The following SORCS3 variants were observed in gnomAD, a reference collection of about 807,000 sequenced individuals.
SORCS3 encodes VPS10 domain-containing receptor SorCS3.
Under a neutral mutation model 146.3 loss-of-function variants are expected in SORCS3, and 57 were observed. The observed-to-expected ratio is 0.39, with a 90% CI of 0.31 to 0.49. The LOEUF is 0.49. Among genes scored for constraint, SORCS3 ranks in the 20% least tolerant of loss-of-function variants. SORCS3 has a pLI of 0.92. For missense variants in SORCS3, 1,341 were observed against 1,575.5 expected (o/e 0.85, Z 2.52); for synonymous variants, 653 against 618.5 (o/e 1.06, Z -0.83).
chr10:104,663,740 A>G (rs1215688047), intron 1 of SORCS3, among the ~76,000 whole-genome samples: 2 of 152,192 alleles, frequency 1.3e-5, no homozygotes, highest in East Asian at 3.9e-4. Context: ...TAGGTTGCTG[A>G]GCAACTAGGA....
At chr10:105,199,134 G>A (rs1402143740) in intron 14 of SORCS3, among the ~76,000 whole-genome samples, 2 of 152,040 alleles carry the variant, frequency 1.3e-5, no homozygotes, top group African/African-American at 2.4e-5. Context: ...TTTTAAGTTC[G>A]CAGCATGATC....
chr10:104,880,462 G>T (rs1194385526), intron 2 of SORCS3, among the ~76,000 whole-genome samples: 1 of 152,140 alleles, frequency 6.6e-6, no homozygotes, highest in East Asian at 1.9e-4. Flanking sequence ...AGGCATGATT[G>T]AGTTTATCAC....
chr10:104,805,072 A>G (rs1204319224), intron 1 of SORCS3, among the ~76,000 whole-genome samples: 3 of 152,226 alleles, frequency 2.0e-5, no homozygotes, highest in Admixed American at 2.0e-4. Context: ...TCACTCACAC[A>G]TAATGAACAC....
rs1315205239 is a variant in SORCS3, at chr10:104,696,634, T to A, written c.627+54680T>A. ...ATAATATATATTATATACGTATATA[T>A]TATATATAATATATATTATATACGT... On this transcript the variant is annotated intron_variant, in intron 1 of 26. Transcript: ENST00000369701. 1.5e-4 allele frequency among the ~76,000 whole-genome samples: 12 copies of A among 79,778 alleles called. 1 individual carries two copies. The highest frequency in any genetic ancestry group is 3.2e-4 in the East Asian group (1 of 3,162). 52.3% of individuals were successfully genotyped at this position (79,778 alleles called of 152,430 possible).
chr10:104,870,395 A>G (rs1053118420), intron 2 of SORCS3, among the ~76,000 whole-genome samples: 6 of 152,040 alleles, frequency 3.9e-5, no homozygotes, highest in African/African-American at 9.7e-5. Flanking sequence ...GCCAGAGTCT[A>G]TGCTAGCCCC....
intron 3 of SORCS3, among the ~76,000 whole-genome samples, chr10:104,954,085 A>T (rs2019462083): frequency 6.6e-6 from 1 of 152,182 alleles, no homozygotes; most frequent in South Asian, 2.1e-4. Flanking sequence ...GCAGATATGT[A>T]TATATATATT....
chr10:104,718,791 C>T (rs1215729563), intron 1 of SORCS3, among the ~76,000 whole-genome samples: 1 of 152,078 alleles, frequency 6.6e-6, no homozygotes, highest in African/African-American at 2.4e-5. Context: ...GGAGGAAGTC[C>T]AGGAAAGTGG....
At chr10:104,813,699 C>T (rs561356867) in intron 1 of SORCS3, among the ~76,000 whole-genome samples, 1 of 152,178 alleles carries the variant, frequency 6.6e-6, no homozygotes, top group African/African-American at 2.4e-5. Flanking sequence ...GAGAAGATCC[C>T]ACTGAAGATG....
At chr10:104,654,319 C>G (rs1283728111) in intron 1 of SORCS3, among the ~76,000 whole-genome samples, 2 of 152,132 alleles carry the variant, frequency 1.3e-5, no homozygotes, top group East Asian at 3.9e-4. Flanking sequence ...AGTATATAAC[C>G]AGCAGCGGGA....
At chr10:105,039,033 A>G (rs539454688) in intron 4 of SORCS3, among the ~76,000 whole-genome samples, 1 of 152,344 alleles carries the variant, frequency 6.6e-6, no homozygotes, top group South Asian at 2.1e-4. Flanking sequence ...TTATAATTGC[A>G]TGCATTTCTG....
chr10:105,006,753 C>G (rs929622319), intron 4 of SORCS3, among the ~76,000 whole-genome samples: 41 of 152,196 alleles, frequency 2.7e-4, no homozygotes, highest in Admixed American at 2.0e-4. Flanking sequence ...TTCAAGTTCT[C>G]ACTCCAGGTT....
chr10:104,836,121 A>T (rs2018064492), intron 1 of SORCS3, among the ~76,000 whole-genome samples: 1 of 152,148 alleles, frequency 6.6e-6, no homozygotes, highest in African/African-American at 2.4e-5. Flanking sequence ...AAGTGAATTT[A>T]GACCAGGAGA....
chr10:105,185,644 C>T (rs973767615), intron 14 of SORCS3, among the ~76,000 whole-genome samples: 2 of 152,140 alleles, frequency 1.3e-5, no homozygotes, highest in Admixed American at 6.5e-5. Context: ...AATAATATTA[C>T]AAAGCTTGTG....
intron 2 of SORCS3, among the ~76,000 whole-genome samples, chr10:104,857,345 T>C (rs140832161): frequency 3.8e-4 from 58 of 152,226 alleles, no homozygotes; most frequent in African/African-American, 1.3e-3. Flanking sequence ...ACAGATATTA[T>C]AGAATAATTG....
intron 4 of SORCS3, among the ~76,000 whole-genome samples, chr10:105,003,443 T>C (rs1308602217): frequency 1.3e-5 from 2 of 152,092 alleles, no homozygotes; most frequent in East Asian, 3.9e-4. Context: ...TCATCTGTAA[T>C]ATGGGGATTG....
At chr10:104,765,131 C>T (rs997423664) in intron 1 of SORCS3, among the ~76,000 whole-genome samples, 6 of 152,300 alleles carry the variant, frequency 3.9e-5, no homozygotes, top group African/African-American at 9.6e-5. Flanking sequence ...CCTATATTTA[C>T]GTTTCTTTCC....
chr10:105,214,639 G>A, intron 18 of SORCS3, 26 bp downstream of exon 18: 5 of 1,534,750 alleles, frequency 3.3e-6, no homozygotes, highest in Non-Finnish European at 4.4e-6. Context: ...GGTCTCTGAG[G>A]TCAGAACTCC....
chr10:104,944,811 T>A (rs57695054), intron 3 of SORCS3, among the ~76,000 whole-genome samples: 1 of 152,072 alleles, frequency 6.6e-6, no homozygotes, highest in Non-Finnish European at 1.5e-5. Flanking sequence ...GCTGAATATA[T>A]ACACACCCTG....
chr10:104,860,967 C>T (rs2018395169), intron 2 of SORCS3, among the ~76,000 whole-genome samples: 2 of 152,140 alleles, frequency 1.3e-5, no homozygotes, highest in African/African-American at 4.8e-5. Flanking sequence ...GACCCAGGTG[C>T]AAAGCCTTAA....
Sources: allele counts gnomAD v4.1 joint callset (sites outside exome capture counted in the v4.1 genomes callset), GRCh38; gene constraint gnomAD v4.1.1; transcripts MANE v1.5; gene names NCBI Gene and HGNC (gene_info 2026-07-23, HGNC 2026-07-21).